NFATC1: variants seen among roughly 807,000 people sequenced by gnomAD.
The protein encoded by NFATC1 is nuclear factor of activated T-cells, cytoplasmic 1.
NFATC1 carries 22 observed loss-of-function variants against 76.0 expected under a neutral mutation model. The ratio of observed to expected loss-of-function variants is 0.29; its 90% CI spans 0.21 to 0.41. NFATC1 has a LOEUF of 0.41. Among genes scored for constraint, NFATC1 ranks in the 10% least tolerant of loss-of-function variants. The pLI is 1.00. For missense variants in NFATC1, 1,357 were observed against 1,337.7 expected, an observed-to-expected ratio of 1.01 and a Z score of -0.23; for synonymous variants, 704 against 613.1, an observed-to-expected ratio of 1.15 and a Z score of -2.19.
At chr18:79,445,445 G>A (rs181011611) in intron 3 of NFATC1, among the ~76,000 whole-genome samples, 11 of 152,346 alleles carry the variant, frequency 7.2e-5, no homozygotes, top group Admixed American at 2.6e-4. Flanking sequence ...CCCTGGCCCC[G>A]GGCCCAGCCC....
intron 9 of NFATC1, among the ~76,000 whole-genome samples, chr18:79,526,807 A>AAC (rs1428968414): frequency 1.3e-5 from 2 of 152,236 alleles, no homozygotes; most frequent in Non-Finnish European, 2.9e-5. Flanking sequence ...CCTTTGCAGA[A>AAC]ACACGTGGGG....
chr18:79,413,651 G>A (rs1400466129), intron 2 of NFATC1, among the ~76,000 whole-genome samples: 2 of 152,258 alleles, frequency 1.3e-5, no homozygotes. Context: ...CCGTTCGGCT[G>A]CCTCAGCCCC....
chr18:79,484,711 G>A (rs1276449047), intron 8 of NFATC1, among the ~76,000 whole-genome samples: 2 of 152,206 alleles, frequency 1.3e-5, no homozygotes, highest in Admixed American at 6.5e-5. Context: ...GACTTCCTGC[G>A]GACTCAGGCT....
At chr18:79,477,928 AC>A (rs2089138885) in intron 8 of NFATC1, among the ~76,000 whole-genome samples, 1 of 151,808 alleles carries the variant, frequency 6.6e-6, no homozygotes. Context: ...ACATTGTTTA[AC>A]CCCCAGTTAC....
intron 2 of NFATC1, among the ~76,000 whole-genome samples, chr18:79,426,995 A>G (rs1378159423): frequency 6.6e-6 from 1 of 152,188 alleles, no homozygotes; most frequent in Non-Finnish European, 1.5e-5. Flanking sequence ...TGGGTTGGGA[A>G]TGGTGGGGGC....
rs370305797 is a variant in NFATC1 at position 79,486,711 on chromosome 18, G to A, written c.2556G>A (p.Pro852=). The A allele has an allele frequency of 8.8e-6, 14 of 1,597,384 alleles. No homozygotes were observed. The highest frequency in any genetic ancestry group is 4.5e-5 in the East Asian group (2 of 44,626). ...LCPSSPSPPL[P]PATQEPTCLQ... is the part of the protein sequence containing the mutation. ...CCAGCAGCCCCTCTCCTCCACTCCC[G>A]CCTGCCACCCAAGAGCCGACCTGCC... Residue 852 remains proline, a synonymous_variant, in exon 9 of 10, where the codon CCG becomes CCA. Transcript: ENST00000427363.
chr18:79,478,956 G>A lies in NFATC1; in HGVS notation c.2093-7292G>A, dbSNP rs926181476. Among the ~76,000 whole-genome samples the A allele has an allele frequency of 3.3e-5, 5 of 152,308 alleles. 1 individual carries two copies. Among genetic ancestry groups the A allele is most frequent in the Middle Eastern group, 6.8e-3 (2 of 294 alleles). ...AGCTCTGCACGCCGCTGACCACTGC[G>A]CGCCGCCTCCACAGACAGTCCCCAT... On this transcript the variant is annotated intron_variant, in intron 8 of 9. Transcript: ENST00000427363.
intron 2 of NFATC1, among the ~76,000 whole-genome samples, chr18:79,431,416 G>A (rs1442495785): frequency 6.6e-6 from 1 of 152,088 alleles, no homozygotes; most frequent in Non-Finnish European, 1.5e-5. Context: ...AAGCACATGC[G>A]ATCTTGGCTC....
intron 8 of NFATC1, among the ~76,000 whole-genome samples, chr18:79,481,357 G>A (rs3786205): frequency 0.64 from 97,933 of 152,184 alleles, 32,006 homozygotes; most frequent in African/African-American, 0.77. Flanking sequence ...CACCCTCCAC[G>A]GACACCGCCT....
At chr18:79,481,469 C>T (rs2089269077) in intron 8 of NFATC1, among the ~76,000 whole-genome samples, 3 of 152,244 alleles carry the variant, frequency 2.0e-5, no homozygotes, top group Admixed American at 6.5e-5. Context: ...ATGAGGGCGC[C>T]GTGTCCTCTG....
At chr18:79,424,205 C>A (rs556272621) in intron 2 of NFATC1, among the ~76,000 whole-genome samples, 2 of 152,342 alleles carry the variant, frequency 1.3e-5, no homozygotes, top group East Asian at 3.9e-4. Flanking sequence ...CAGATGCCGC[C>A]GCACTATCAC....
intron 8 of NFATC1, chr18:79,470,091 C>G: frequency 1.3e-6 from 1 of 795,116 alleles, no homozygotes; most frequent in African/African-American, 1.9e-5. Context: ...CTGAGGACGC[C>G]GAGGCCGCTC....
At position 79,493,154 on chromosome 18, in the gene NFATC1, G is replaced by A. The variant is rs564916348; in HGVS notation, c.2782+6217G>A. Among the ~76,000 whole-genome samples the A allele has an allele frequency of 5.3e-5, 8 of 152,318 alleles. No individual in the cohort carries two copies. The South Asian group carries it at 6.2e-4, about 12-fold the overall frequency. ...ATTTGAAAAAATGCCACAGAGCTCC[G>A]TGTGGCTCCTTTTCTAATGTGATCT... is the stretch of plus-strand genomic sequence containing the variant. On this transcript the variant is annotated intron_variant, in intron 9 of 9. Transcript: ENST00000427363.
intron 3 of NFATC1, among the ~76,000 whole-genome samples, chr18:79,438,546 C>T (rs1302720405): frequency 6.6e-6 from 1 of 152,218 alleles, no homozygotes; most frequent in Non-Finnish European, 1.5e-5. Context: ...AGGCCGGGCT[C>T]GTGTGAATAA....
intron 2 of NFATC1, among the ~76,000 whole-genome samples, chr18:79,417,973 G>A (rs2085937761): frequency 6.6e-6 from 1 of 152,070 alleles, no homozygotes; most frequent in African/African-American, 2.4e-5. Flanking sequence ...CGGGAGATGG[G>A]CTATGGCTGG....
At chr18:79,408,118 G>A (rs1421143967) in intron 1 of NFATC1, among the ~76,000 whole-genome samples, 1 of 152,190 alleles carries the variant, frequency 6.6e-6, no homozygotes, top group Non-Finnish European at 1.5e-5. Flanking sequence ...CCACCTACCT[G>A]GGGCGCTAGA....
At chr18:79,481,684 C>T (rs1389788602) in intron 8 of NFATC1, among the ~76,000 whole-genome samples, 3 of 152,266 alleles carry the variant, frequency 2.0e-5, no homozygotes, top group Admixed American at 6.5e-5. Flanking sequence ...CATAGACCCT[C>T]GTGAGCCAGG....
At chr18:79,454,647 G>A (rs745335050) in intron 6 of NFATC1, among the ~76,000 whole-genome samples, 43 of 152,220 alleles carry the variant, frequency 2.8e-4, no homozygotes, top group African/African-American at 4.8e-4. Flanking sequence ...GGCCGGGAGC[G>A]GAGTCAGCCT....
intron 9 of NFATC1, among the ~76,000 whole-genome samples, chr18:79,515,190 C>A (rs2090348440): frequency 6.6e-6 from 1 of 151,746 alleles, no homozygotes; most frequent in Non-Finnish European, 1.5e-5. Flanking sequence ...ACTAAAAATA[C>A]AAAAATTAGC....
Sources: allele counts gnomAD v4.1 joint callset (sites outside exome capture counted in the v4.1 genomes callset), GRCh38; gene constraint gnomAD v4.1.1; transcripts MANE v1.5; gene names NCBI Gene and HGNC (gene_info 2026-07-23, HGNC 2026-07-21).